Variants in FSIP2 observed in about 807,000 individuals in gnomAD.
The protein encoded by FSIP2 is fibrous sheath-interacting protein 2.
In FSIP2, 367 loss-of-function variants were observed where a neutral mutation model predicts 510.5. The observed-to-expected ratio is 0.72, with a 90% CI of 0.66 to 0.78. The LOEUF is 0.78. Among genes scored for constraint, FSIP2 ranks in the 30% least tolerant of loss-of-function variants. The pLI is 0.00. For missense variants in FSIP2, 7,594 were observed against 7,901.7 expected (o/e 0.96, Z 1.48); for synonymous variants, 2,601 against 2,732.2 (o/e 0.95, Z 1.50).
chr2:185,806,257 A>T lies in FSIP2; in HGVS notation c.16951A>T (p.Thr5651Ser). The change falls in exon 17 of 23, where the codon ACA becomes TCA. Residue 5651 changes from threonine (T) to serine (S), a missense_variant. Thr to Ser is a moderately conservative substitution (Grantham distance 58). Transcript: ENST00000424728. ...AGATACTTTGGAAATAAGAATTCGA[A>T]CATCAAGCAATGAGGGGAGAAGAGA... ...TTDTLEIRIR[T>S]SSNEGRRDSP... 1 of 1,610,150 alleles carries T rather than the reference A, an allele frequency of 6.2e-7. No homozygotes were observed. The highest frequency in any genetic ancestry group is 8.5e-7 in the Non-Finnish European group (1 of 1,177,968).
intron 15 of FSIP2, among the ~76,000 whole-genome samples, chr2:185,786,870 T>C (rs983565875): frequency 2.0e-5 from 3 of 151,874 alleles, no homozygotes; most frequent in African/African-American, 7.2e-5. Context: ...ATTCATAGAA[T>C]ATGCAGCAAA....
intron 13 of FSIP2, among the ~76,000 whole-genome samples, chr2:185,780,922 G>A (rs1465486880): frequency 6.6e-6 from 1 of 152,150 alleles, no homozygotes; most frequent in Non-Finnish European, 1.5e-5. Context: ...TACAGTTTCT[G>A]TGGATTTGAA....
At position 185,744,378 on chromosome 2, in the gene FSIP2, A is replaced by G; in HGVS notation, c.444A>G (p.Lys148=). ...NKYRQYLTSL[K]LDFERNYIKE... ...ACAGGCAATATCTTACCAGTTTAAA[A>G]TTAGACTTTGAGAGAAACTATATAA... The change falls in exon 4 of 23, where the codon AAA becomes AAG. Residue 148 remains lysine, a synonymous_variant. Transcript: ENST00000424728. 8.0e-7 allele frequency: 1 copy of G among 1,245,572 alleles called. No homozygotes were observed. Among genetic ancestry groups the G allele is most frequent in the Non-Finnish European group, 1.1e-6 (1 of 944,678 alleles). 77.2% of individuals were successfully genotyped at this position (1,245,572 alleles called of 1,614,324 possible). A position where few individuals can be genotyped will look rare whatever the true frequency, so the allele number is the denominator to read the frequency against.
chr2:185,806,301 T>C lies in FSIP2; in HGVS notation c.16995T>C (p.Cys5665=), dbSNP rs1313099744. 1 of 1,608,346 alleles carries C rather than the reference T, an allele frequency of 6.2e-7. No individual in the cohort carries two copies. The highest frequency in any genetic ancestry group is 8.5e-7 in the Non-Finnish European group (1 of 1,177,372). Residue 5665 remains cysteine (C), a synonymous_variant, in exon 17 of 23, where the codon TGT becomes TGC. Transcript: ENST00000424728. The part of the protein sequence containing the change: ...EGRRDSPTQT[C]RDEEHHSDYE... ...GAAGAGACTCTCCAACACAAACGTGTAGGGATGAGGAACACCACTCAGATT... is the reference window on the plus strand; with the variant it reads ...GAAGAGACTCTCCAACACAAACGTGCAGGGATGAGGAACACCACTCAGATT...
rs139442712 is a variant in FSIP2 at position 185,788,906 on chromosome 2, G to A, written c.1770G>A (p.Thr590=). The part of the protein sequence containing the change: ...QAEPCAFVVD[T]SVRRPTTPIK... ...AACCCTGTGCATTTGTAGTTGACAC[G>A]TCAGTAAGGAGACCAACCACACCTA... The change falls in exon 16 of 23, where the codon ACG becomes ACA. Residue 590 remains threonine (T), a synonymous_variant. Transcript: ENST00000424728. 637 of 1,535,038 alleles carry A rather than the reference G, an allele frequency of 4.1e-4. 3 individuals are homozygous for A. The highest frequency in any genetic ancestry group is 3.5e-3 in the South Asian group (298 of 84,038).
chr2:185,769,718 T>C (rs1032876447), intron 13 of FSIP2, among the ~76,000 whole-genome samples: 6 of 152,344 alleles, frequency 3.9e-5, no homozygotes, highest in South Asian at 2.1e-4. Flanking sequence ...CTGAATGGTA[T>C]TGCCTATGTT....
At position 185,831,217 on chromosome 2, in the gene FSIP2, C is replaced by A. The variant is rs182522684; in HGVS notation, c.20518-596C>A. Reference sequence around the variant, plus strand: ...CTTCAAATCTACCATTTTAGAATAGCTTCAGAATAGCTGAAGCCCCAACAC... The same window carrying A: ...CTTCAAATCTACCATTTTAGAATAGATTCAGAATAGCTGAAGCCCCAACAC... On this transcript the variant is annotated intron_variant, in intron 21 of 22. Coordinates refer to ENST00000424728, the MANE Select transcript of FSIP2 (RefSeq NM_173651.4). 5.3e-5 allele frequency among the ~76,000 whole-genome samples: 8 copies of A among 151,976 alleles called. No individual in the cohort carries two copies. In the East Asian group the frequency reaches 1.6e-3, roughly 30 times the overall value.
At chr2:185,739,595 C>A in intron 2 of FSIP2, 124 bp downstream of exon 2, 1 of 822,220 alleles carries the variant, frequency 1.2e-6, no homozygotes, top group Non-Finnish European at 1.7e-6. Flanking sequence ...AAAGAAAATC[C>A]CACATCTGAC....
rs193243370 is a variant in FSIP2 at position 185,761,479 on chromosome 2, T to A, written c.1194+376T>A. The stretch of plus-strand genomic sequence containing the variant: ...AATATAAGATAAAAAGAATAAGACA[T>A]AATTGCTCCTCTAAAAGACTCATTG... On this transcript the variant is annotated intron_variant, in intron 10 of 22. Coordinates refer to ENST00000424728, the MANE Select transcript of FSIP2 (RefSeq NM_173651.4). Among the ~76,000 whole-genome samples, 295 of 151,290 alleles carry A rather than the reference T, an allele frequency of 1.9e-3. 1 individual carries two copies. The highest frequency in any genetic ancestry group is 3.1e-3 in the Non-Finnish European group (209 of 67,408).
At position 185,815,451 on chromosome 2, in the gene FSIP2, A is replaced by C; in HGVS notation, c.20406A>C (p.Glu6802Asp). The C allele has an allele frequency of 1.4e-6, 2 of 1,449,332 alleles. No homozygotes were observed. Among genetic ancestry groups the C allele is most frequent in the Non-Finnish European group, 1.9e-6 (2 of 1,047,576 alleles). The allele number at this position is 1,449,332 out of a possible 1,614,324, so 89.8% of individuals were successfully genotyped here. The change falls in exon 19 of 23, where the codon GAA becomes GAC. Residue 6802 changes from glutamate (E) to aspartate (D), a missense_variant. Coordinates refer to ENST00000424728, the MANE Select transcript of FSIP2 (RefSeq NM_173651.4). ...RIMSSSSYNQEDLISSTGEAE... is the reference protein window; with the variant it reads ...RIMSSSSYNQDDLISSTGEAE... ...TGAGTTCATCTTCATACAACCAAGA[A>C]GATCTCATTTCATCTACTGGGTATA...
In FSIP2 at chr2:185,788,595, T is replaced by C. The variant is rs995627847; in HGVS notation, c.1507-48T>C. ...TACCTTCTGTCTCCAAAACATAGAG[T>C]AAGTTGTTACATGACTTTATTTTCA... On this transcript the variant is annotated intron_variant, in intron 15 of 22. Transcript: ENST00000424728. 7 of 1,302,488 alleles carry C rather than the reference T, an allele frequency of 5.4e-6. No individual in the cohort carries two copies. The Admixed American group carries it at 2.2e-4, about 40-fold the overall frequency. The allele number at this position is 1,302,488 out of a possible 1,614,324, so 80.7% of individuals were successfully genotyped here.
At chr2:185,765,358 A>T (rs1692447660) in intron 13 of FSIP2, 2 of 152,136 alleles carry the variant, frequency 1.3e-5, no homozygotes, top group African/African-American at 4.8e-5. Context: ...CTCTTTCTAC[A>T]TATGGCTAGC....
At position 185,805,947 on chromosome 2, in the gene FSIP2, T is replaced by C; in HGVS notation, c.16641T>C (p.Ser5547=). The C allele has an allele frequency of 1.9e-6, 3 of 1,581,904 alleles. No homozygotes were observed. The highest frequency in any genetic ancestry group is 2.2e-5 in the East Asian group (1 of 44,670). The change falls in exon 17 of 23, where the codon AGT becomes AGC. Residue 5547 remains serine (S), a synonymous_variant. Coordinates refer to ENST00000424728, the MANE Select transcript of FSIP2 (RefSeq NM_173651.4). ...TTACTTCAACTACCACTGTGAAAAG[T>C]AAAGATACTCAGGAGCCAAATTTGA... ...SKVTSTTTVK[S]KDTQEPNLSE...
At chr2:185,752,805 C>A (rs969509891) in intron 7 of FSIP2, among the ~76,000 whole-genome samples, 15 of 151,300 alleles carry the variant, frequency 9.9e-5, no homozygotes, top group African/African-American at 3.1e-4. Context: ...AGATCTACTT[C>A]TTTTATAAGT....
Position 185,790,084 on chromosome 2 carries a change from C to G in FSIP2, c.2948C>G (p.Pro983Arg). The change falls in exon 16 of 23, where the codon CCT becomes CGT. Residue 983 changes from proline (P) to arginine (R), a missense_variant. Physicochemically the swap from Pro to Arg is moderately radical, Grantham distance 103 (BLOSUM62 -2). Coordinates refer to ENST00000424728, the MANE Select transcript of FSIP2 (RefSeq NM_173651.4). ...ACTGGCACTAGATTATCAAATAGTC[C>G]TAGGTCTGGAAGACCATTTCCACCT... ...RLTGTRLSNS[P>R]RSGRPFPPIN... 6.5e-7 allele frequency: 1 copy of G among 1,533,792 alleles called. No individual in the cohort carries two copies. The highest frequency in any genetic ancestry group is 8.7e-7 in the Non-Finnish European group (1 of 1,145,434).
chr2:185,747,265 T>C, intron 6 of FSIP2, 48 bp from the exon 7 acceptor site: 1 of 1,026,544 alleles, frequency 9.7e-7, no homozygotes, highest in Non-Finnish European at 1.5e-6. Flanking sequence ...ACAAAGATAT[T>C]GTTGTGAAAG....
chr2:185,780,310 G>A (rs1692818300), intron 13 of FSIP2, among the ~76,000 whole-genome samples: 1 of 151,528 alleles, frequency 6.6e-6, no homozygotes, highest in Non-Finnish European at 1.5e-5. Flanking sequence ...CTACCTTCTT[G>A]TCTCATGTCC....
Position 185,790,018 on chromosome 2 carries a change from G to A in FSIP2, c.2882G>A (p.Arg961Lys). The A allele has an allele frequency of 6.5e-7, 1 of 1,533,932 alleles. No individual in the cohort carries two copies. The highest frequency in any genetic ancestry group is 8.7e-7 in the Non-Finnish European group (1 of 1,145,538). Reference protein sequence around the residue: ...NESFQKSRQPRISSPSDTKEK... With the variant: ...NESFQKSRQPKISSPSDTKEK... ...AGTTTTCAAAAAAGTAGGCAACCTA[G>A]AATAAGTAGTCCTTCTGACACCAAA... The change falls in exon 16 of 23, where the codon AGA (arginine) becomes AAA (lysine). Residue 961 changes from arginine (R) to lysine (K), a missense_variant. Transcript: ENST00000424728.
Position 185,790,899 on chromosome 2 carries a change from C to T in FSIP2, c.3763C>T (p.Pro1255Ser). The T allele has an allele frequency of 6.5e-7, 1 of 1,529,892 alleles. No individual in the cohort carries two copies. Among genetic ancestry groups the T allele is most frequent in the Non-Finnish European group, 8.7e-7 (1 of 1,144,090 alleles). The allele number at this position is 1,529,892 out of a possible 1,614,324, so 94.8% of individuals were successfully genotyped here. ...WLKSGKSEPKPVDDINDKIIR... is the reference protein window; with the variant it reads ...WLKSGKSEPKSVDDINDKIIR... ...AAAATCTGGAAAAAGTGAACCTAAA[C>T]CTGTAGATGACATTAATGATAAGAT... Residue 1255 changes from proline to serine, a missense_variant, in exon 16 of 23, where the codon CCT (proline) becomes TCT (serine). Physicochemically the swap from Pro to Ser is moderately conservative, Grantham distance 74 (BLOSUM62 -1). Transcript: ENST00000424728.
Sources: allele counts gnomAD v4.1 joint callset (sites outside exome capture counted in the v4.1 genomes callset), GRCh38; gene constraint gnomAD v4.1.1; transcripts MANE v1.5; gene names NCBI Gene and HGNC (gene_info 2026-07-23, HGNC 2026-07-21).